Variants in ANKIB1 observed in about 807,000 individuals in gnomAD.
ANKIB1 encodes ankyrin repeat and IBR domain containing 1.
A neutral mutation model predicts 122.1 loss-of-function variants in ANKIB1; 43 were observed. The ratio of observed to expected loss-of-function variants is 0.35; its 90% CI spans 0.28 to 0.45. The LOEUF (loss-of-function observed/expected upper bound fraction) is 0.45, where lower values mean the gene tolerates loss of function less well. ANKIB1 is among the 20% of genes least tolerant of loss of function. The pLI is 1.00. For missense variants in ANKIB1, 992 were observed against 1,329.5 expected, an observed-to-expected ratio of 0.75 and a Z score of 3.95; for synonymous variants, 390 against 442.0, an observed-to-expected ratio of 0.88 and a Z score of 1.48.
intron 5 of ANKIB1, among the ~76,000 whole-genome samples, chr7:92,341,279 C>G (rs1294921638): frequency 6.7e-6 from 1 of 149,172 alleles, no homozygotes; most frequent in East Asian, 2.0e-4. Context: ...CGTTGCACTC[C>G]AGCCTGGGTG....
chr7:92,339,333 C>T (rs1016739318), intron 5 of ANKIB1, among the ~76,000 whole-genome samples: 3 of 151,998 alleles, frequency 2.0e-5, no homozygotes, highest in Non-Finnish European at 4.4e-5. Context: ...TGAGCCACCG[C>T]ACCTGGCCAA....
chr7:92,380,273 C>T (rs1290911684), intron 11 of ANKIB1, among the ~76,000 whole-genome samples: 1 of 152,210 alleles, frequency 6.6e-6, no homozygotes, highest in Non-Finnish European at 1.5e-5. Flanking sequence ...ACAAGGCCCC[C>T]CTGCTTCTGT....
intron 3 of ANKIB1, among the ~76,000 whole-genome samples, chr7:92,310,916 A>G (rs1418062246): frequency 6.6e-6 from 1 of 152,198 alleles, no homozygotes; most frequent in Non-Finnish European, 1.5e-5. Flanking sequence ...ATACATTAAA[A>G]TATGTGACCT....
intron 1 of ANKIB1, among the ~76,000 whole-genome samples, chr7:92,260,746 C>T (rs1801545499): frequency 6.6e-6 from 1 of 151,110 alleles, no homozygotes; most frequent in African/African-American, 2.4e-5. Flanking sequence ...CATTGCAGCA[C>T]CACAAAACTC....
intron 16 of ANKIB1, among the ~76,000 whole-genome samples, chr7:92,391,937 T>C (rs1804795515): frequency 6.6e-6 from 1 of 152,174 alleles, no homozygotes; most frequent in Non-Finnish European, 1.5e-5. Flanking sequence ...TAAATTCCTT[T>C]GATCCTATTT....
intron 10 of ANKIB1, among the ~76,000 whole-genome samples, chr7:92,369,661 C>A (rs928387143): frequency 1.3e-5 from 2 of 152,142 alleles, no homozygotes; most frequent in African/African-American, 4.8e-5. Flanking sequence ...AACCATTTAC[C>A]CCACCACCCT....
At chr7:92,381,617 C>G (rs1211912701) in intron 11 of ANKIB1, among the ~76,000 whole-genome samples, 5 of 152,128 alleles carry the variant, frequency 3.3e-5, no homozygotes, top group Admixed American at 2.0e-4. Flanking sequence ...ATTTTCAACC[C>G]AGAATTTCAT....
At chr7:92,380,427 T>A (rs1379131070) in intron 11 of ANKIB1, among the ~76,000 whole-genome samples, 1 of 152,154 alleles carries the variant, frequency 6.6e-6, no homozygotes, top group African/African-American at 2.4e-5. Flanking sequence ...ACAGACCACC[T>A]CCTCAAGTGG....
intron 2 of ANKIB1, among the ~76,000 whole-genome samples, chr7:92,306,280 G>A (rs1802560607): frequency 6.6e-6 from 1 of 152,042 alleles, no homozygotes; most frequent in Non-Finnish European, 1.5e-5. Flanking sequence ...TCCTTTTGGA[G>A]GCTCCAGGGT....
chr7:92,382,086 G>T (rs1421287416), intron 11 of ANKIB1, among the ~76,000 whole-genome samples: 1 of 152,056 alleles, frequency 6.6e-6, no homozygotes, highest in Non-Finnish European at 1.5e-5. Flanking sequence ...AAAAGCAGGG[G>T]TTGCAATCCT....
chr7:92,285,930 A>AT (rs1322907082), intron 1 of ANKIB1, among the ~76,000 whole-genome samples: 1 of 152,218 alleles, frequency 6.6e-6, no homozygotes, highest in Admixed American at 6.5e-5. Flanking sequence ...AAACACTTTG[A>AT]TGATTTAGCC....
rs372414488 is a variant in ANKIB1 at position 92,361,849 on chromosome 7, C to G, written c.1398-336C>G. Reference sequence around the variant, plus strand: ...TTTTAAATGGAGTTTCACTCTTGTTCCCCAGGCTGGAGTGCAATGGTGCAA... The same window carrying G: ...TTTTAAATGGAGTTTCACTCTTGTTGCCCAGGCTGGAGTGCAATGGTGCAA... On this transcript the variant is annotated intron_variant, in intron 9 of 19. Coordinates refer to ENST00000265742, the MANE Select transcript of ANKIB1 (RefSeq NM_019004.2). Among the ~76,000 whole-genome samples, 44 of 151,408 alleles carry G rather than the reference C, an allele frequency of 2.9e-4. 1 individual carries two copies. The highest frequency in any genetic ancestry group is 9.2e-4 in the African/African-American group (38 of 41,280).
intron 1 of ANKIB1, among the ~76,000 whole-genome samples, chr7:92,262,511 A>C (rs1801586541): frequency 6.6e-6 from 1 of 152,332 alleles, no homozygotes; most frequent in East Asian, 1.9e-4. Flanking sequence ...AATGTGTCCA[A>C]GGGGTAGTTA....
chr7:92,342,524 A>T (rs752626281), intron 5 of ANKIB1, among the ~76,000 whole-genome samples: 2 of 152,262 alleles, frequency 1.3e-5, no homozygotes, highest in East Asian at 3.9e-4. Flanking sequence ...TTATAACTCT[A>T]ATTTCTTCGG....
chr7:92,306,313 C>G (rs1369096166), intron 2 of ANKIB1, among the ~76,000 whole-genome samples: 1 of 152,080 alleles, frequency 6.6e-6, no homozygotes, highest in Non-Finnish European at 1.5e-5. Context: ...CTTGCCTTTT[C>G]TAGGTCAACT....
chr7:92,374,452 T>A (rs1804339385), intron 11 of ANKIB1, among the ~76,000 whole-genome samples: 1 of 152,176 alleles, frequency 6.6e-6, no homozygotes, highest in South Asian at 2.1e-4. Context: ...CACTCCAGCG[T>A]GGGCAACAAG....
At chr7:92,276,876 C>G (rs1801916435) in intron 1 of ANKIB1, among the ~76,000 whole-genome samples, 1 of 152,160 alleles carries the variant, frequency 6.6e-6, no homozygotes, top group African/African-American at 2.4e-5. Context: ...TCTACCAAAT[C>G]TCTTGTTGAA....
intron 7 of ANKIB1, 138 bp from the exon 8 acceptor site, chr7:92,350,812 G>T: frequency 1.3e-6 from 1 of 755,986 alleles, no homozygotes; most frequent in Admixed American, 3.2e-5. Flanking sequence ...ATCTGTGATC[G>T]TGCCACTGCA....
At chr7:92,270,481 A>T (rs1365972649) in intron 1 of ANKIB1, among the ~76,000 whole-genome samples, 1 of 152,184 alleles carries the variant, frequency 6.6e-6, no homozygotes, top group African/African-American at 2.4e-5. Flanking sequence ...GACTTGGATG[A>T]TTTTCAGTAA....
Sources: allele counts gnomAD v4.1 joint callset (sites outside exome capture counted in the v4.1 genomes callset), GRCh38; gene constraint gnomAD v4.1.1; transcripts MANE v1.5; gene names NCBI Gene and HGNC (gene_info 2026-07-23, HGNC 2026-07-21).